EMSY: variants seen among roughly 807,000 people sequenced by gnomAD.
EMSY encodes the protein EMSY transcriptional repressor, BRCA2 interacting, also known as BRCA2-interacting transcriptional repressor EMSY.
In EMSY, 26 loss-of-function variants were observed where a neutral mutation model predicts 134.6. The observed-to-expected ratio is 0.19, with a 90% CI of 0.14 to 0.27. The LOEUF is 0.27. EMSY is among the 10% of genes least tolerant of loss of function. The probability of loss-of-function intolerance (pLI) is 1.00; values close to 1 mark genes in which losing one functional copy is unlikely to be tolerated. For missense variants in EMSY, 1,305 were observed against 1,611.4 expected (o/e 0.81, Z 3.26); for synonymous variants, 579 against 577.8 (o/e 1.00, Z -0.03).
intron 17 of EMSY, among the ~76,000 whole-genome samples, chr11:76,540,888 C>T (rs1951414357): frequency 6.6e-6 from 1 of 152,126 alleles, no homozygotes; most frequent in Admixed American, 6.5e-5. Flanking sequence ...GTTAGTTTCC[C>T]AGTAATCATA....
chr11:76,519,661 G>A lies in EMSY; in HGVS notation c.1684+3349G>A, dbSNP rs564581440. On this transcript the variant is annotated intron_variant, in intron 11 of 20. Coordinates refer to ENST00000334736, the Ensembl canonical transcript of EMSY. The stretch of plus-strand genomic sequence containing the variant: ...AAACATTACCTAAGAGACCAAGATT[G>A]TCAGGTGATTTTAGAATCTGTAAAT... 2.7e-3 allele frequency among the ~76,000 whole-genome samples: 413 copies of A among 152,254 alleles called. 1 individual carries two copies. Among genetic ancestry groups the A allele is most frequent in the Non-Finnish European group, 4.1e-3 (279 of 68,006 alleles).
chr11:76,531,526 A>G (rs564688383), intron 14 of EMSY, among the ~76,000 whole-genome samples: 1 of 152,268 alleles, frequency 6.6e-6, no homozygotes, highest in African/African-American at 2.4e-5. Context: ...ATAGGATATT[A>G]TATCCTCAGT....
chr11:76,486,295 A>G (rs1048189166), intron 8 of EMSY, among the ~76,000 whole-genome samples: 1 of 152,156 alleles, frequency 6.6e-6, no homozygotes, highest in Non-Finnish European at 1.5e-5. Context: ...AGAAATAACT[A>G]AGGTAGATGA....
chr11:76,446,412 G>A (rs1421877328), intron 1 of EMSY, among the ~76,000 whole-genome samples: 3 of 149,438 alleles, frequency 2.0e-5, no homozygotes, highest in African/African-American at 7.6e-5. Context: ...CGAGCACGAG[G>A]AGTTATTTAT....
chr11:76,457,801 G>A (rs1947936130), intron 4 of EMSY, among the ~76,000 whole-genome samples: 1 of 152,158 alleles, frequency 6.6e-6, no homozygotes, highest in Non-Finnish European at 1.5e-5. Flanking sequence ...AAAATTATAA[G>A]TGCTTTTTAC....
At chr11:76,527,220 C>A (rs61894546) in intron 13 of EMSY, among the ~76,000 whole-genome samples, 1 of 151,724 alleles carries the variant, frequency 6.6e-6, no homozygotes, top group East Asian at 1.9e-4. Context: ...CTATTAGTTT[C>A]GGTTGAGAAA....
intron 18 of EMSY, 31 bp from the exon 20 acceptor site, chr11:76,544,228 T>C: frequency 6.4e-7 from 1 of 1,554,700 alleles, no homozygotes; most frequent in Non-Finnish European, 8.8e-7. Flanking sequence ...TTTTTCTTAT[T>C]TCATTCTTAC....
chr11:76,484,105 C>G (rs556263086), intron 8 of EMSY, among the ~76,000 whole-genome samples: 3 of 152,300 alleles, frequency 2.0e-5, no homozygotes, highest in Admixed American at 1.3e-4. Context: ...TCACTCAAAC[C>G]TGCACAACTA....
intron 8 of EMSY, among the ~76,000 whole-genome samples, chr11:76,473,992 T>C (rs1469528130): frequency 2.6e-5 from 4 of 151,584 alleles, no homozygotes; most frequent in African/African-American, 9.7e-5. Flanking sequence ...TAGCCGGGCA[T>C]GGTAGTGCAC....
At chr11:76,466,250 T>C (rs1466774571) in intron 7 of EMSY, among the ~76,000 whole-genome samples, 2 of 152,204 alleles carry the variant, frequency 1.3e-5, no homozygotes, top group East Asian at 3.8e-4. Flanking sequence ...AATTTTCCTC[T>C]CTTCAGTTGC....
chr11:76,523,704 C>CTTTTTTTTTATTTTTTTTT (rs1950732071), intron 12 of EMSY, among the ~76,000 whole-genome samples: 1 of 80,536 alleles, frequency 1.2e-5, no homozygotes, highest in African/African-American at 5.2e-5. Flanking sequence ...TTGTTACTTT[C>CTTTTTTTTTATTTTTTTTT]TTTTTTTTTT....
intron 12 of EMSY, among the ~76,000 whole-genome samples, chr11:76,523,821 A>C (rs527288703): frequency 2.7e-3 from 389 of 145,928 alleles, no homozygotes; most frequent in African/African-American, 9.6e-3. Flanking sequence ...GAGGTGGGAG[A>C]ATCGCTTTAG....
At chr11:76,491,137 A>C (rs563702689) in intron 8 of EMSY, among the ~76,000 whole-genome samples, 5 of 149,416 alleles carry the variant, frequency 3.3e-5, no homozygotes, top group Non-Finnish European at 7.4e-5. Flanking sequence ...TGACATCTGC[A>C]TACTCTTACC....
intron 8 of EMSY, among the ~76,000 whole-genome samples, chr11:76,485,024 C>T (rs535474432): frequency 6.6e-6 from 1 of 151,630 alleles, no homozygotes; most frequent in South Asian, 2.1e-4. Flanking sequence ...CTGAATAGAT[C>T]AATAACAAGT....
chr11:76,500,516 A>G (rs1949819936), intron 9 of EMSY, among the ~76,000 whole-genome samples: 1 of 152,362 alleles, frequency 6.6e-6, no homozygotes, highest in Non-Finnish European at 1.5e-5. Context: ...AAAGCTGGGA[A>G]GAGCCTTCAT....
At chr11:76,505,402 T>C (rs532460663) in intron 9 of EMSY, among the ~76,000 whole-genome samples, 2 of 136,764 alleles carry the variant, frequency 1.5e-5, no homozygotes, top group African/African-American at 5.4e-5. Flanking sequence ...GTTTTCACCA[T>C]GTTGGCCAAG....
At chr11:76,519,799 A>G (rs1244240393) in intron 11 of EMSY, among the ~76,000 whole-genome samples, 1 of 152,184 alleles carries the variant, frequency 6.6e-6, no homozygotes, top group Admixed American at 6.5e-5. Context: ...GGAATGCATC[A>G]ATATCATAGT....
intron 5 of EMSY, 149 bp downstream of exon 6, chr11:76,458,507 ACTGCCAG>A: frequency 4.9e-6 from 4 of 819,700 alleles, no homozygotes; most frequent in Non-Finnish European, 6.9e-6. Flanking sequence ...CTGAAATTAG[ACTGCCAG>A]GTTTTTAGCC....
chr11:76,512,472 A>C (rs764856703), intron 9 of EMSY, among the ~76,000 whole-genome samples: 4 of 152,146 alleles, frequency 2.6e-5, no homozygotes, highest in Non-Finnish European at 4.4e-5. Flanking sequence ...AAAATGTCAA[A>C]TCCTAGAAGC....
Sources: gnomAD v4.1 joint callset for allele counts (sites outside exome capture counted in the v4.1 genomes callset) on GRCh38, gnomAD v4.1.1 for gene constraint, MANE v1.5 for transcripts, NCBI Gene and HGNC (gene_info 2026-07-23, HGNC 2026-07-21) for gene names.